Variants in WWOX observed in about 807,000 individuals in gnomAD.
The protein encoded by WWOX is WW domain containing oxidoreductase, also known as WW domain-containing oxidoreductase.
WWOX carries 69 observed loss-of-function variants against 46.2 expected under a neutral mutation model. That is an observed-to-expected ratio of 1.49 (90% CI 1.23 to 1.82). WWOX has a LOEUF of 1.82. Ranked by LOEUF, WWOX falls within the 40% of genes most tolerant of loss-of-function variation. The pLI is 0.00. For synonymous variants in WWOX, 359 were observed against 202.6 expected, an observed-to-expected ratio of 1.77 and a Z score of -6.56; for missense variants, 919 against 542.6, an observed-to-expected ratio of 1.69 and a Z score of -6.89.
chr16:78,747,421 C>T (rs1343095353), intron 8 of WWOX, among the ~76,000 whole-genome samples: 2 of 152,096 alleles, frequency 1.3e-5, no homozygotes, highest in African/African-American at 4.8e-5. Flanking sequence ...GACCATCCTA[C>T]TTAAGTAACA....
At chr16:78,922,119 G>A (rs752985420) in intron 8 of WWOX, among the ~76,000 whole-genome samples, 1 of 152,100 alleles carries the variant, frequency 6.6e-6, no homozygotes, top group Non-Finnish European at 1.5e-5. Context: ...TATTTATTGG[G>A]TCTTCGTTGC....
At position 78,528,930 on chromosome 16, in the gene WWOX, T is replaced by A. The variant is rs762497714; in HGVS notation, c.1056+96178T>A. Among the ~76,000 whole-genome samples the A allele has an allele frequency of 2.0e-5, 3 of 150,210 alleles. No individual in the cohort carries two copies. The South Asian group carries it at 6.4e-4, about 32-fold the overall frequency. On this transcript the variant is annotated intron_variant, in intron 8 of 8. Coordinates refer to ENST00000566780, the MANE Select transcript of WWOX (RefSeq NM_016373.4). ...AAAAAAACTTTCTTTTTTTTTTCTT[T>A]CCTTTTTCTTTTCTTTTCTTTCTTT...
intron 4 of WWOX, among the ~76,000 whole-genome samples, chr16:78,116,326 A>G (rs1276540340): frequency 6.6e-6 from 1 of 152,172 alleles, no homozygotes; most frequent in Non-Finnish European, 1.5e-5. Flanking sequence ...CTGCAGAAAT[A>G]TTTTCTAGCA....
At chr16:78,128,778 TATA>T (rs2033466747) in intron 4 of WWOX, among the ~76,000 whole-genome samples, 1 of 152,242 alleles carries the variant, frequency 6.6e-6, no homozygotes, top group South Asian at 2.1e-4. Context: ...TATCTTGCAA[TATA>T]ATGTCTTCCA....
intron 5 of WWOX, among the ~76,000 whole-genome samples, chr16:78,257,753 C>T (rs2038170586): frequency 6.6e-6 from 1 of 152,176 alleles, no homozygotes; most frequent in African/African-American, 2.4e-5. Flanking sequence ...ATCACTCATG[C>T]TCTGCTGCTT....
chr16:78,667,397 G>T (rs909583308), intron 8 of WWOX, among the ~76,000 whole-genome samples: 1 of 152,166 alleles, frequency 6.6e-6, no homozygotes, highest in Non-Finnish European at 1.5e-5. Flanking sequence ...TATGATGGGT[G>T]TGGTGGCTCA....
intron 8 of WWOX, among the ~76,000 whole-genome samples, chr16:79,076,084 G>A (rs969648218): frequency 1.3e-5 from 2 of 152,088 alleles, no homozygotes; most frequent in South Asian, 4.1e-4. Flanking sequence ...TAGAAGATTT[G>A]AGCCAATGAT....
chr16:78,518,650 T>G (rs531777149), intron 8 of WWOX, among the ~76,000 whole-genome samples: 2 of 152,308 alleles, frequency 1.3e-5, no homozygotes, highest in African/African-American at 4.8e-5. Flanking sequence ...TTTCATTTAT[T>G]TAAGAACTTT....
intron 8 of WWOX, among the ~76,000 whole-genome samples, chr16:79,095,544 C>T (rs1185227426): frequency 1.3e-5 from 2 of 152,076 alleles, no homozygotes; most frequent in African/African-American, 4.8e-5. Flanking sequence ...CAGGGTGAGG[C>T]GCGGGGGAGC....
chr16:78,975,304 G>C (rs1443104886), intron 8 of WWOX, among the ~76,000 whole-genome samples: 1 of 152,092 alleles, frequency 6.6e-6, no homozygotes, highest in Admixed American at 6.5e-5. Flanking sequence ...CTTAGGATGA[G>C]GTAATAGTGT....
At chr16:78,250,441 A>G (rs1352229329) in intron 5 of WWOX, among the ~76,000 whole-genome samples, 1 of 152,078 alleles carries the variant, frequency 6.6e-6, no homozygotes, top group South Asian at 2.1e-4. Context: ...ATTAAGTGAG[A>G]TCTTCCATTT....
At chr16:78,833,575 A>G (rs1046889427) in intron 8 of WWOX, among the ~76,000 whole-genome samples, 5 of 152,072 alleles carry the variant, frequency 3.3e-5, no homozygotes, top group Non-Finnish European at 5.9e-5. Flanking sequence ...TGGTGCTTGT[A>G]TCTGATTTTT....
Position 78,562,022 on chromosome 16 carries a change from G to C in WWOX, c.1056+129270G>C, listed in dbSNP as rs2044451862. 2.0e-5 allele frequency among the ~76,000 whole-genome samples: 3 copies of C among 152,192 alleles called. No homozygotes were observed. The South Asian group carries it at 6.2e-4, about 32-fold the overall frequency. On this transcript the variant is annotated intron_variant, in intron 8 of 8. Coordinates refer to ENST00000566780, the MANE Select transcript of WWOX (RefSeq NM_016373.4). The stretch of plus-strand genomic sequence containing the variant: ...AGGATTGCTATAATGATGAAGCAAT[G>C]GCAAATGGAGTCTTTGTTTTTAGCC...
intron 8 of WWOX, chr16:78,551,460 C>T (rs1218821622): frequency 6.6e-6 from 1 of 152,140 alleles, no homozygotes; most frequent in East Asian, 1.9e-4. Flanking sequence ...TTGGGACTCC[C>T]ATCCTACAAT....
chr16:78,804,722 A>G (rs952713895), intron 8 of WWOX, among the ~76,000 whole-genome samples: 2 of 152,168 alleles, frequency 1.3e-5, no homozygotes, highest in Non-Finnish European at 2.9e-5. Context: ...ATAGTTTTTT[A>G]TGTGATAATT....
intron 8 of WWOX, among the ~76,000 whole-genome samples, chr16:79,034,067 G>T (rs1036007992): frequency 6.6e-6 from 1 of 152,196 alleles, no homozygotes; most frequent in African/African-American, 2.4e-5. Context: ...TGCCCACGTG[G>T]TCTGTGTGGG....
chr16:78,329,050 G>A (rs1052571221), intron 5 of WWOX, among the ~76,000 whole-genome samples: 9 of 151,866 alleles, frequency 5.9e-5, no homozygotes, highest in Non-Finnish European at 1.2e-4. Flanking sequence ...TTCGTAGGAC[G>A]AGGTTTCAGC....
At chr16:78,563,852 C>T (rs907500830) in intron 8 of WWOX, among the ~76,000 whole-genome samples, 11 of 140,952 alleles carry the variant, frequency 7.8e-5, no homozygotes, top group African/African-American at 2.5e-4. Context: ...TAGATCTCGC[C>T]CTCCAAAGGT....
At chr16:78,685,423 A>T (rs369730779) in intron 8 of WWOX, among the ~76,000 whole-genome samples, 4 of 152,148 alleles carry the variant, frequency 2.6e-5, no homozygotes, top group East Asian at 1.9e-4. Flanking sequence ...GTAGATCTTC[A>T]CCTGGGAATG....
Sources: gnomAD v4.1 joint callset for allele counts (sites outside exome capture counted in the v4.1 genomes callset) on GRCh38, gnomAD v4.1.1 for gene constraint, MANE v1.5 for transcripts, NCBI Gene and HGNC (gene_info 2026-07-23, HGNC 2026-07-21) for gene names.